Variants in PCDHA12 observed in about 807,000 individuals in gnomAD.
PCDHA12 encodes protocadherin alpha-12.
A neutral mutation model predicts 60.0 loss-of-function variants in PCDHA12; 44 were observed. The observed-to-expected ratio is 0.73, with a 90% CI of 0.58 to 0.94. The LOEUF (loss-of-function observed/expected upper bound fraction) is 0.94. PCDHA12 is among the 40% of genes least tolerant of loss of function. The pLI is 0.00. For missense variants in PCDHA12, 1,276 were observed against 1,239.7 expected, an observed-to-expected ratio of 1.03 and a Z score of -0.44; for synonymous variants, 569 against 553.0, an observed-to-expected ratio of 1.03 and a Z score of -0.40.
chr5:140,899,225 A>C (rs1479429839), intron 1 of PCDHA12, among the ~76,000 whole-genome samples: 1 of 152,038 alleles, frequency 6.6e-6, no homozygotes, highest in African/African-American at 2.4e-5. Context: ...TTCCAACACT[A>C]TGTTGAATAG....
chr5:140,999,044 T>TTTC (rs1247197667), intron 3 of PCDHA12, among the ~76,000 whole-genome samples: 1 of 152,342 alleles, frequency 6.6e-6, no homozygotes, highest in East Asian at 1.9e-4. Flanking sequence ...TCCAGTGTGC[T>TTTC]TTCCACCATG....
chr5:140,976,383 T>G (rs963492291), intron 1 of PCDHA12, among the ~76,000 whole-genome samples: 4 of 152,058 alleles, frequency 2.6e-5, no homozygotes, highest in African/African-American at 9.7e-5. Context: ...AAACCCCATC[T>G]CTACTAAAAA....
rs367948106 is a variant in PCDHA12 at position 140,876,049 on chromosome 5, G to A, written c.577G>A (p.Glu193Lys). The change falls in exon 1 of 4, where the codon GAA becomes AAA. Residue 193 changes from glutamate to lysine, a missense_variant. Physicochemically the swap from Glu to Lys is moderately conservative, Grantham distance 56 (BLOSUM62 1). Coordinates refer to ENST00000398631, the MANE Select transcript of PCDHA12 (RefSeq NM_018903.4). Reference sequence around the variant, plus strand: ...AAAAAAAGATAAAAGTATATTGCCTGAATTAGTTCTTCGGAAGTTATTGGA... The same window carrying A: ...AAAAAAAGATAAAAGTATATTGCCTAAATTAGTTCTTCGGAAGTTATTGGA... ...KTKKDKSILP[E>K]LVLRKLLDRE... is the part of the protein sequence containing the mutation. The A allele has an allele frequency of 3.6e-4, 586 of 1,613,784 alleles. No individual in the cohort carries two copies. The highest frequency in any genetic ancestry group is 4.9e-4 in the Non-Finnish European group (575 of 1,179,896).
intron 1 of PCDHA12, among the ~76,000 whole-genome samples, chr5:140,893,478 C>T (rs1365540423): frequency 2.6e-5 from 4 of 151,996 alleles, no homozygotes; most frequent in African/African-American, 9.7e-5. Flanking sequence ...CATAGCAAGA[C>T]CCTGTTCTTC....
Position 141,010,389 on chromosome 5 carries a change from G to A in PCDHA12, c.*452G>A. The A allele has an allele frequency of 1.4e-6, 2 of 1,400,314 alleles. No individual in the cohort carries two copies. Among genetic ancestry groups the A allele is most frequent in the Non-Finnish European group, 1.9e-6 (2 of 1,052,510 alleles). The allele number at this position is 1,400,314 out of a possible 1,614,324, so 86.7% of individuals were successfully genotyped here. ...TATGCGAGTGCCAGATATTGGCTGA[G>A]ACGAGCCAGCTTAGACTAATTGGTA... On this transcript the variant is annotated 3_prime_UTR_variant, in exon 4 of 4. Coordinates refer to ENST00000398631, the MANE Select transcript of PCDHA12 (RefSeq NM_018903.4).
chr5:140,887,526 C>G (rs914597781), intron 1 of PCDHA12, among the ~76,000 whole-genome samples: 10 of 152,086 alleles, frequency 6.6e-5, no homozygotes, highest in Admixed American at 1.3e-4. Flanking sequence ...ATATATGAGT[C>G]TTCCTCTCCC....
At chr5:141,000,120 C>G (rs1554257146) in intron 3 of PCDHA12, among the ~76,000 whole-genome samples, 1 of 152,052 alleles carries the variant, frequency 6.6e-6, no homozygotes, top group African/African-American at 2.4e-5. Flanking sequence ...CCCTCATCCC[C>G]AAGGCTTCAC....
rs782676713 is a variant in PCDHA12 at position 140,968,215 on chromosome 5, G to A, written c.2368-10734G>A. 3 of 1,613,862 alleles carry A rather than the reference G, an allele frequency of 1.9e-6. 1 individual carries two copies. The highest frequency in any genetic ancestry group is 2.5e-6 in the Non-Finnish European group (3 of 1,180,046). On this transcript the variant is annotated intron_variant, in intron 1 of 3. Transcript: ENST00000398631. ...CCATCTACATACAGGAGAACAATTT[G>A]CCAGGTGTGTTGCTCTGTACTGTGC... is the stretch of plus-strand genomic sequence containing the variant.
At chr5:140,967,120 G>C in intron 1 of PCDHA12, 1 of 1,612,860 alleles carries the variant, frequency 6.2e-7, no homozygotes, top group East Asian at 2.2e-5. Flanking sequence ...CTCGCTGCCT[G>C]CTCAGCTTGG....
rs192014288 is a variant in PCDHA12, at chr5:140,938,120, T to A, written c.2368-40829T>A. Among the ~76,000 whole-genome samples the A allele has an allele frequency of 2.0e-3, 311 of 152,258 alleles. 6 individuals are homozygous for A. In the East Asian group the frequency reaches 0.05, roughly 25 times the overall value. ...GTATTTTTTACTTTCTCTCTTTTTT[T>A]AAAAAAATAGAGATAGAGTCTCACT... On this transcript the variant is annotated intron_variant, in intron 1 of 3. Transcript: ENST00000398631.
intron 1 of PCDHA12, among the ~76,000 whole-genome samples, chr5:140,942,026 A>G (rs1394001505): frequency 6.6e-6 from 1 of 152,194 alleles, no homozygotes; most frequent in Non-Finnish European, 1.5e-5. Flanking sequence ...GGAAAAAATA[A>G]TTCATAAACC....
At chr5:140,892,588 T>C (rs751167275) in intron 1 of PCDHA12, among the ~76,000 whole-genome samples, 12 of 152,204 alleles carry the variant, frequency 7.9e-5, no homozygotes, top group Non-Finnish European at 1.8e-4. Flanking sequence ...TCAGTATTCA[T>C]TCACCTATTT....
chr5:140,903,884 A>C (rs1466107424), intron 1 of PCDHA12, among the ~76,000 whole-genome samples: 1 of 152,214 alleles, frequency 6.6e-6, no homozygotes, highest in Non-Finnish European at 1.5e-5. Context: ...AAGACATTGA[A>C]TCTTGACCTG....
At chr5:140,928,790 GGGT>G in intron 1 of PCDHA12, 1 of 1,614,176 alleles carries the variant, frequency 6.2e-7, no homozygotes. Flanking sequence ...GTTAAGCAGA[GGGT>G]GGTGGTAGTG....
intron 1 of PCDHA12, among the ~76,000 whole-genome samples, chr5:140,890,494 C>A (rs1554184398): frequency 1.3e-5 from 2 of 152,064 alleles, no homozygotes; most frequent in South Asian, 4.1e-4. Context: ...TTTGTCTCAC[C>A]ATTTTTATGT....
intron 3 of PCDHA12, among the ~76,000 whole-genome samples, chr5:140,992,867 C>T (rs2097531825): frequency 6.6e-6 from 1 of 152,184 alleles, no homozygotes; most frequent in Admixed American, 6.5e-5. Context: ...CTCTAGCTCC[C>T]TCCTTGATAT....
At chr5:140,938,041 G>T (rs2091894997) in intron 1 of PCDHA12, among the ~76,000 whole-genome samples, 1 of 151,764 alleles carries the variant, frequency 6.6e-6, no homozygotes, top group African/African-American at 2.4e-5. Flanking sequence ...TTTATATTTT[G>T]GGTTTTCTAC....
At chr5:140,969,493 C>T (rs1240479958) in intron 1 of PCDHA12, 5 of 1,445,166 alleles carry the variant, frequency 3.5e-6, no homozygotes, top group Non-Finnish European at 4.6e-6. Flanking sequence ...GCTATTTCCT[C>T]TCTAGAAAAA....
chr5:140,982,943 A>G (rs2097017074), intron 3 of PCDHA12, among the ~76,000 whole-genome samples: 1 of 151,992 alleles, frequency 6.6e-6, no homozygotes, highest in Admixed American at 6.5e-5. Flanking sequence ...CTTTTGGTTG[A>G]AGACTATGGA....
Sources: allele counts gnomAD v4.1 joint callset (sites outside exome capture counted in the v4.1 genomes callset), GRCh38; gene constraint gnomAD v4.1.1; transcripts MANE v1.5; gene names NCBI Gene and HGNC (gene_info 2026-07-23, HGNC 2026-07-21).